The following GALNT9 variants were observed in gnomAD, a reference collection of about 807,000 sequenced individuals.
The protein encoded by GALNT9 is GalNAc transferase 9.
In GALNT9, 47 loss-of-function variants were observed where a neutral mutation model predicts 63.1. The ratio of observed to expected loss-of-function variants is 0.75; its 90% CI spans 0.59 to 0.95. The LOEUF (loss-of-function observed/expected upper bound fraction) is 0.95. Ranked by LOEUF, GALNT9 falls within the 40% of genes least tolerant of loss-of-function variation. GALNT9 has a pLI of 0.00. For missense variants in GALNT9, 829 were observed against 874.8 expected (o/e 0.95, Z 0.66); for synonymous variants, 396 against 365.7 (o/e 1.08, Z -0.94).
intron 1 of GALNT9, among the ~76,000 whole-genome samples, chr12:132,293,428 T>C (rs1880933705): frequency 6.6e-6 from 1 of 152,208 alleles, no homozygotes; most frequent in Non-Finnish European, 1.5e-5. Flanking sequence ...CCTTATTTAA[T>C]ACCTATTGAC....
At chr12:132,267,681 T>C (rs1233551241) in intron 2 of GALNT9, among the ~76,000 whole-genome samples, 2 of 149,824 alleles carry the variant, frequency 1.3e-5, no homozygotes, top group Admixed American at 1.3e-4. Context: ...GAAAGATGCA[T>C]TGAAATAGAT....
chr12:132,304,221 ATCCTCACC>A, intron 1 of GALNT9, among the ~76,000 whole-genome samples: 1 of 37,822 alleles, frequency 2.6e-5, no homozygotes, highest in Non-Finnish European at 4.8e-5. Context: ...ACCTGGGCAC[ATCCTCACC>A]GGGGCACACC....
intron 9 of GALNT9, among the ~76,000 whole-genome samples, chr12:132,198,950 C>G (rs1368866752): frequency 2.6e-5 from 4 of 152,140 alleles, no homozygotes; most frequent in Admixed American, 2.6e-4. Flanking sequence ...TGCACCCGGC[C>G]CAGGCTGTTT....
Position 132,257,701 on chromosome 12 carries a change from G to T in GALNT9, c.947C>A (p.Ser316Ter), listed in dbSNP as rs781959437. Residue 316 changes from serine (S) to a stop codon, truncating the protein, a stop_gained, in exon 5 of 11, where the codon TCA becomes TAA. Transcript: ENST00000328957. LOFTEE classifies it high-confidence loss of function. ...GGGCGCAGCTCACCTGATGGGTGCT[G>T]ACTCGTCGCCGCGGTCCAGCCAGTC... ...PQDWLDRGDE[S>*]APIRTPAMIG... The T allele has an allele frequency of 5.7e-5, 89 of 1,549,608 alleles. No individual in the cohort carries two copies. The highest frequency in any genetic ancestry group is 6.1e-6 in the Non-Finnish European group (7 of 1,146,654).
chr12:132,309,421 T>A (rs562031151), intron 1 of GALNT9, among the ~76,000 whole-genome samples: 2 of 152,298 alleles, frequency 1.3e-5, no homozygotes, highest in African/African-American at 4.8e-5. Flanking sequence ...CCCCAAAAGC[T>A]ATCTCCACTC....
chr12:132,271,657 C>T (rs950276222), intron 2 of GALNT9, among the ~76,000 whole-genome samples: 1 of 152,174 alleles, frequency 6.6e-6, no homozygotes, highest in Admixed American at 6.5e-5. Context: ...GCTGTGGCCT[C>T]GTGCCTTGCC....
At chr12:132,317,114 C>A (rs1179886165) in intron 1 of GALNT9, among the ~76,000 whole-genome samples, 2 of 148,056 alleles carry the variant, frequency 1.4e-5, no homozygotes, top group Non-Finnish European at 3.0e-5. Flanking sequence ...ACAGCCTGCA[C>A]CCTACACCCC....
intron 6 of GALNT9, among the ~76,000 whole-genome samples, chr12:132,241,898 G>A (rs2136902650): frequency 0.35 from 406 of 1,170 alleles, 82 homozygotes; most frequent in Non-Finnish European, 0.42. Context: ...CCCCCTTCCC[G>A]GGGCCCTCCC....
chr12:132,203,467 G>A, intron 7 of GALNT9, 38 bp downstream of exon 7: 1 of 1,606,210 alleles, frequency 6.2e-7, no homozygotes, highest in Non-Finnish European at 8.5e-7. Flanking sequence ...CCCCGACCCT[G>A]GGGCATGGCC....
At chr12:132,274,394 A>C (rs2135552971) in intron 2 of GALNT9, 1 of 147,136 alleles carries the variant, frequency 6.8e-6, no homozygotes, top group Non-Finnish European at 1.5e-5. Flanking sequence ...CCCCGTGCTC[A>C]ACGTAAAATC....
chr12:132,328,388 G>A (rs1869135353), intron 1 of GALNT9, among the ~76,000 whole-genome samples: 1 of 152,188 alleles, frequency 6.6e-6, no homozygotes, highest in African/African-American at 2.4e-5. Context: ...TCAGGTCTCA[G>A]CTTCAAGCTT....
chr12:132,294,778 G>C (rs1022370523), intron 1 of GALNT9, among the ~76,000 whole-genome samples: 1 of 152,234 alleles, frequency 6.6e-6, no homozygotes. Context: ...CCTGGAGCGG[G>C]AGGGATCTGT....
intron 6 of GALNT9, among the ~76,000 whole-genome samples, chr12:132,206,727 C>T (rs930179948): frequency 1.2e-4 from 18 of 151,896 alleles, no homozygotes; most frequent in African/African-American, 3.9e-4. Flanking sequence ...TGGACCTGAC[C>T]GTGACCCAGC....
At position 132,246,326 on chromosome 12, in the gene GALNT9, A is replaced by C. The variant is rs371977529; in HGVS notation, c.1077+1584T>G. On this transcript the variant is annotated intron_variant, in intron 6 of 10. Transcript: ENST00000328957. The surrounding 1 kb of genome is among the most constrained non-coding windows in gnomAD (Gnocchi z 4.7). ...AAAGGCACCTGCAAACAGTCCTGACATCCTTCACAGATCTGGTCTCAATTC... is the reference window on the plus strand; with the variant it reads ...AAAGGCACCTGCAAACAGTCCTGACCTCCTTCACAGATCTGGTCTCAATTC... 3.3e-5 allele frequency among the ~76,000 whole-genome samples: 5 copies of C among 152,358 alleles called. No individual in the cohort carries two copies. Among genetic ancestry groups the C allele is most frequent in the East Asian group, 3.9e-4 (2 of 5,192 alleles).
chr12:132,225,788 A>C (rs1362214827), intron 6 of GALNT9, among the ~76,000 whole-genome samples: 1 of 143,032 alleles, frequency 7.0e-6, no homozygotes, highest in African/African-American at 2.7e-5. Context: ...CACCCCACAC[A>C]CGCCACACAA....
Position 132,260,693 on chromosome 12 carries a change from C to T in GALNT9, c.761+255G>A, listed in dbSNP as rs890232164. Reference sequence around the variant, plus strand: ...ATACACATGCCTGGGAGCTTCTAAGCGCCATGTCCTTGGGTGCGTGCTGGG... The same window carrying T: ...ATACACATGCCTGGGAGCTTCTAAGTGCCATGTCCTTGGGTGCGTGCTGGG... On this transcript the variant is annotated intron_variant, in intron 4 of 10. Transcript: ENST00000328957. Among the ~76,000 whole-genome samples the T allele has an allele frequency of 3.3e-5, 5 of 152,346 alleles. No homozygotes were observed. The East Asian group carries it at 9.7e-4, about 29-fold the overall frequency.
intron 1 of GALNT9, among the ~76,000 whole-genome samples, chr12:132,290,627 T>TGCCCACGTCCACACC (rs1753336903): frequency 2.8e-5 from 1 of 36,200 alleles, no homozygotes; most frequent in Non-Finnish European, 5.2e-5. Context: ...ACAACCACAG[T>TGCCCACGTCCACACC]GCCCACGTCC....
chr12:132,198,202 T>TG (rs372455257), intron 9 of GALNT9, among the ~76,000 whole-genome samples: 195 of 152,364 alleles, frequency 1.3e-3, no homozygotes, highest in African/African-American at 4.5e-3. Context: ...CACAGCTGGC[T>TG]GGTCTTCCGC....
At chr12:132,203,369 C>T in intron 7 of GALNT9, 136 bp downstream of exon 7, 1 of 700,194 alleles carries the variant, frequency 1.4e-6, no homozygotes, top group Non-Finnish European at 2.4e-6. Context: ...CAACTGCTTG[C>T]ACCTGTGCAC....
Sources: gnomAD v4.1 joint callset for allele counts (sites outside exome capture counted in the v4.1 genomes callset) on GRCh38, gnomAD v4.1.1 for gene constraint, Gnocchi (gnomAD v3.1) non-coding constraint, MANE v1.5 for transcripts, NCBI Gene and HGNC (gene_info 2026-07-23, HGNC 2026-07-21) for gene names.